The following ADGRL2 variants were observed in gnomAD, a reference collection of about 807,000 sequenced individuals.
ADGRL2 encodes adhesion G protein-coupled receptor L2, also known as calcium-independent alpha-latrotoxin receptor 2.
In ADGRL2, 44 loss-of-function variants were observed where a neutral mutation model predicts 157.4. The observed-to-expected ratio is 0.28, with a 90% CI of 0.22 to 0.36. The LOEUF (loss-of-function observed/expected upper bound fraction) is 0.36. ADGRL2 is among the 10% of genes least tolerant of loss of function. ADGRL2 has a pLI of 1.00. For missense variants in ADGRL2, 1,510 were observed against 1,768.9 expected (o/e 0.85, Z 2.63); for synonymous variants, 585 against 624.7 (o/e 0.94, Z 0.95).
chr1:81,437,461 G>A (rs761591071), intron 1 of ADGRL2, among the ~76,000 whole-genome samples: 4 of 152,124 alleles, frequency 2.6e-5, no homozygotes, highest in African/African-American at 4.8e-5. Flanking sequence ...AATTGGAGGA[G>A]GTGGGGAGAT....
chr1:81,828,908 T>C (rs986024255), intron 1 of ADGRL2, among the ~76,000 whole-genome samples: 3 of 108,292 alleles, frequency 2.8e-5, no homozygotes, highest in Non-Finnish European at 4.4e-5. Context: ...TCTCCTCATA[T>C]TTTTTTTTTT....
At chr1:81,767,345 C>A (rs916880736) in intron 2 of ADGRL2, among the ~76,000 whole-genome samples, 3 of 151,940 alleles carry the variant, frequency 2.0e-5, no homozygotes, top group Non-Finnish European at 4.4e-5. Flanking sequence ...TAGATATGTG[C>A]AAAAATTTAT....
At chr1:81,932,405 CAT>C (rs1447693438) in intron 3 of ADGRL2, among the ~76,000 whole-genome samples, 1 of 152,196 alleles carries the variant, frequency 6.6e-6, no homozygotes, top group African/African-American at 2.4e-5. Flanking sequence ...AGCAAGAAGA[CAT>C]ATTAACATTG....
At chr1:81,864,042 G>A (rs1430610476) in intron 2 of ADGRL2, among the ~76,000 whole-genome samples, 2 of 152,020 alleles carry the variant, frequency 1.3e-5, no homozygotes, top group African/African-American at 2.4e-5. Context: ...TTTTCTTCAC[G>A]GACACTAAAA....
intron 3 of ADGRL2, among the ~76,000 whole-genome samples, chr1:81,670,227 G>A (rs893044176): frequency 3.3e-5 from 5 of 152,070 alleles, no homozygotes; most frequent in African/African-American, 9.7e-5. Context: ...TTATTTTCAC[G>A]TGATTCTCCT....
At chr1:81,804,008 T>C (rs1055102935) in intron 1 of ADGRL2, among the ~76,000 whole-genome samples, 4 of 152,142 alleles carry the variant, frequency 2.6e-5, no homozygotes, top group African/African-American at 9.7e-5. Context: ...GGGCAAACCT[T>C]AGAAAATAGG....
At chr1:81,467,531 T>G (rs950203482) in intron 2 of ADGRL2, among the ~76,000 whole-genome samples, 36 of 152,174 alleles carry the variant, frequency 2.4e-4, no homozygotes, top group Non-Finnish European at 4.3e-4. Flanking sequence ...TTAGCTGACT[T>G]TGAAATTAAA....
upstream of ADGRL2, among the ~76,000 whole-genome samples, chr1:81,797,446 C>G (rs1388294185): frequency 6.6e-6 from 1 of 152,096 alleles, no homozygotes; most frequent in Non-Finnish European, 1.5e-5. Context: ...AGTTTTTGGC[C>G]TACTCTCAAG....
At chr1:81,633,928 G>T (rs2082062756) in intron 3 of ADGRL2, among the ~76,000 whole-genome samples, 1 of 152,174 alleles carries the variant, frequency 6.6e-6, no homozygotes, top group South Asian at 2.1e-4. Context: ...TCAAAGGAGT[G>T]TTCTGGGCTA....
At chr1:81,425,843 T>A (rs1429667248) in intron 1 of ADGRL2, among the ~76,000 whole-genome samples, 1 of 149,868 alleles carries the variant, frequency 6.7e-6, no homozygotes, top group Non-Finnish European at 1.5e-5. Context: ...AAAGACAGCT[T>A]AACAAAAGAA....
At chr1:81,625,235 C>T (rs2081886140) in intron 3 of ADGRL2, among the ~76,000 whole-genome samples, 1 of 151,956 alleles carries the variant, frequency 6.6e-6, no homozygotes, top group African/African-American at 2.4e-5. Flanking sequence ...ATAGAAATAC[C>T]GCAAGAGACA....
intron 3 of ADGRL2, among the ~76,000 whole-genome samples, chr1:81,635,012 G>C (rs1328817079): frequency 6.6e-6 from 1 of 152,108 alleles, no homozygotes; most frequent in Non-Finnish European, 1.5e-5. Context: ...TAGAAGTGCT[G>C]GGGCTTAACA....
intron 1 of ADGRL2, among the ~76,000 whole-genome samples, chr1:81,372,837 T>G (rs2076184543): frequency 6.6e-6 from 1 of 152,230 alleles, no homozygotes; most frequent in African/African-American, 2.4e-5. Context: ...ATTATTTTGC[T>G]TAATCACTCC....
rs564183781 is a variant in ADGRL2 at position 81,568,637 on chromosome 1, C to T, written c.-247-12239C>T. Among the ~76,000 whole-genome samples the T allele has an allele frequency of 4.1e-3, 629 of 152,070 alleles. 1 individual carries two copies. The highest frequency in any genetic ancestry group is 0.014 in the African/African-American group (583 of 41,508). Reference sequence around the variant, plus strand: ...GATTTTGTAAGTGTTTTTGAATGAACGTTGGTTTTGTTCAATAATCCCTTG... The same window carrying T: ...GATTTTGTAAGTGTTTTTGAATGAATGTTGGTTTTGTTCAATAATCCCTTG... On this transcript the variant is annotated intron_variant, in intron 2 of 24. Transcript: ENST00000370721.
chr1:81,840,180 C>A (rs1320176610), intron 2 of ADGRL2, among the ~76,000 whole-genome samples: 1 of 151,860 alleles, frequency 6.6e-6, no homozygotes, highest in Non-Finnish European at 1.5e-5. Flanking sequence ...TGTCAGAGGA[C>A]CTGTGATTAC....
At chr1:81,363,274 A>G (rs1228975470) in intron 1 of ADGRL2, among the ~76,000 whole-genome samples, 1 of 152,058 alleles carries the variant, frequency 6.6e-6, no homozygotes, top group East Asian at 1.9e-4. Context: ...TATTTCAGCA[A>G]TTCCCTAGCT....
chr1:81,678,798 C>A (rs2083048457), intron 3 of ADGRL2, among the ~76,000 whole-genome samples: 1 of 151,996 alleles, frequency 6.6e-6, no homozygotes, highest in South Asian at 2.1e-4. Context: ...CCATTTTTTT[C>A]TTTTGTCGGG....
chr1:81,777,995 C>T (rs1351833888), intron 2 of ADGRL2, among the ~76,000 whole-genome samples: 1 of 151,910 alleles, frequency 6.6e-6, no homozygotes. Context: ...CCATTGGGTA[C>T]AATCATCAAT....
At chr1:81,808,360 A>G (rs1178585097) in intron 1 of ADGRL2, among the ~76,000 whole-genome samples, 7 of 152,094 alleles carry the variant, frequency 4.6e-5, no homozygotes, top group East Asian at 1.9e-4. Flanking sequence ...AATAATATCA[A>G]AAGTTACCAT....
Sources: gnomAD v4.1 joint callset for allele counts (sites outside exome capture counted in the v4.1 genomes callset) on GRCh38, gnomAD v4.1.1 for gene constraint, MANE v1.5 for transcripts, NCBI Gene and HGNC (gene_info 2026-07-23, HGNC 2026-07-21) for gene names.